The following RGS6 variants were observed in gnomAD, a reference collection of about 807,000 sequenced individuals.
RGS6 encodes regulator of G-protein signaling 6.
Under a neutral mutation model 78.5 loss-of-function variants are expected in RGS6, and 30 were observed. The observed-to-expected ratio is 0.38, with a 90% CI of 0.29 to 0.52. RGS6 has a LOEUF of 0.52. RGS6 is among the 20% of genes least tolerant of loss of function. The pLI is 0.85. For synonymous variants in RGS6, 206 were observed against 206.0 expected, an observed-to-expected ratio of 1.00 and a Z score of 0.00; for missense variants, 495 against 609.7, an observed-to-expected ratio of 0.81 and a Z score of 1.98.
In RGS6 at chr14:72,518,508, G is replaced by A; in HGVS notation, c.1249G>A (p.Gly417Arg). 6.2e-7 allele frequency: 1 copy of A among 1,614,216 alleles called. No homozygotes were observed. The highest frequency in any genetic ancestry group is 8.5e-7 in the Non-Finnish European group (1 of 1,180,034). The part of the protein sequence containing the change: ...YEITSQNVKD[G>R]GRYTFEDAQE... ...GATAACCAGTCAAAATGTCAAAGAT[G>A]GAGGGAGATATACATTTGAAGACGC... The change falls in exon 15 of 18, where the codon GGA (glycine) becomes AGA (arginine). Residue 417 changes from glycine to arginine, a missense_variant. Transcript: ENST00000553525.
intron 2 of RGS6, among the ~76,000 whole-genome samples, chr14:72,048,085 C>T (rs1372580308): frequency 6.6e-6 from 1 of 151,900 alleles, no homozygotes; most frequent in Non-Finnish European, 1.5e-5. Context: ...ATTTCCCAGG[C>T]AAAGTGAACG....
intron 2 of RGS6, among the ~76,000 whole-genome samples, chr14:72,169,023 C>T (rs1332316389): frequency 6.6e-6 from 1 of 152,218 alleles, no homozygotes; most frequent in African/African-American, 2.4e-5. Flanking sequence ...CTGCCACTGC[C>T]ACCACCACCG....
the RGS6 span, among the ~76,000 whole-genome samples, chr14:71,917,584 G>C: frequency 6.6e-6 from 1 of 152,168 alleles, no homozygotes; most frequent in Admixed American, 6.5e-5. Flanking sequence ...TTAGGCTGCA[G>C]CCCTGCGTGT....
chr14:72,366,714 A>G (rs574089093), intron 3 of RGS6, among the ~76,000 whole-genome samples: 2 of 152,292 alleles, frequency 1.3e-5, no homozygotes, highest in South Asian at 2.1e-4. Flanking sequence ...GTAGGTAACA[A>G]AGATGATCAC....
the RGS6 span, among the ~76,000 whole-genome samples, chr14:72,580,097 C>G: frequency 6.6e-6 from 1 of 152,224 alleles, no homozygotes; most frequent in Non-Finnish European, 1.5e-5. Flanking sequence ...CCTTTCAGCA[C>G]CTTGACCATC....
At chr14:72,031,442 T>G (rs1236550017) in intron 2 of RGS6, among the ~76,000 whole-genome samples, 1 of 152,172 alleles carries the variant, frequency 6.6e-6, no homozygotes, top group Non-Finnish European at 1.5e-5. Context: ...TTAATATAAT[T>G]GACATATTTC....
At chr14:72,314,922 T>C (rs770496703) in intron 2 of RGS6, among the ~76,000 whole-genome samples, 10 of 152,256 alleles carry the variant, frequency 6.6e-5, no homozygotes, top group Non-Finnish European at 1.5e-5. Flanking sequence ...GAACTCACTG[T>C]AGCGCATTTA....
intron 2 of RGS6, among the ~76,000 whole-genome samples, chr14:71,974,679 A>C (rs572544508): frequency 2.0e-5 from 3 of 152,242 alleles, no homozygotes; most frequent in Non-Finnish European, 4.4e-5. Flanking sequence ...TTTTTAAAAT[A>C]AAATGTCTTA....
chr14:72,475,458 C>A (rs937199531), intron 10 of RGS6, among the ~76,000 whole-genome samples: 5 of 152,030 alleles, frequency 3.3e-5, no homozygotes, highest in Non-Finnish European at 5.9e-5. Flanking sequence ...GGGCCAGGTA[C>A]GGTGGCTCAC....
At chr14:72,256,256 A>G (rs548866279) in intron 2 of RGS6, among the ~76,000 whole-genome samples, 54 of 152,314 alleles carry the variant, frequency 3.5e-4, no homozygotes, top group African/African-American at 1.3e-3. Flanking sequence ...TGAGGTCTTC[A>G]TGCACTGAGT....
intron 2 of RGS6, among the ~76,000 whole-genome samples, chr14:72,174,379 T>A (rs2097074461): frequency 6.6e-6 from 1 of 152,234 alleles, no homozygotes; most frequent in Admixed American, 6.5e-5. Flanking sequence ...ATTACAGTTA[T>A]GAGCCACTGC....
At position 72,025,056 on chromosome 14, in the gene RGS6, G is replaced by T. The variant is rs188318687; in HGVS notation, c.84+60181G>T. Among the ~76,000 whole-genome samples the T allele has an allele frequency of 2.6e-5, 4 of 152,294 alleles. No individual in the cohort carries two copies. In the East Asian group the frequency reaches 7.7e-4, roughly 29 times the overall value. On this transcript the variant is annotated intron_variant, in intron 2 of 17. Transcript: ENST00000553525. ...AGCTAGGGACAGAGAGGCTGAGTGA[G>T]ACTATACGTGTCCCTATGTTTCTGT...
At chr14:72,244,498 T>C (rs2053719070) in intron 2 of RGS6, among the ~76,000 whole-genome samples, 1 of 152,220 alleles carries the variant, frequency 6.6e-6, no homozygotes, top group African/African-American at 2.4e-5. Flanking sequence ...CGGATCTTAG[T>C]GTCATCTTTT....
chr14:71,925,475 G>C, the RGS6 span, among the ~76,000 whole-genome samples: 1 of 151,922 alleles, frequency 6.6e-6, no homozygotes, highest in Non-Finnish European at 1.5e-5. Context: ...CAAACTTATC[G>C]CTCAGGCCAA....
the RGS6 span, among the ~76,000 whole-genome samples, chr14:71,915,994 AC>A: frequency 6.6e-6 from 1 of 152,158 alleles, no homozygotes; most frequent in Non-Finnish European, 1.5e-5. Context: ...AGAGAAACCA[AC>A]CTGCCCTTGA....
chr14:72,115,113 A>G (rs1443475940), intron 2 of RGS6, among the ~76,000 whole-genome samples: 2 of 152,222 alleles, frequency 1.3e-5, no homozygotes, highest in Non-Finnish European at 2.9e-5. Context: ...TTATGTGGCA[A>G]TCTTGACATG....
intron 2 of RGS6, among the ~76,000 whole-genome samples, chr14:72,328,873 T>C (rs965479857): frequency 6.6e-6 from 1 of 152,242 alleles, no homozygotes; most frequent in Non-Finnish European, 1.5e-5. Flanking sequence ...TATTTTATTT[T>C]ATTTATTTAT....
intron 17 of RGS6, among the ~76,000 whole-genome samples, chr14:72,555,951 T>G (rs1278343062): frequency 6.6e-6 from 1 of 152,204 alleles, no homozygotes; most frequent in Non-Finnish European, 1.5e-5. Flanking sequence ...CTGAGTGATT[T>G]GAAGAACAAG....
the RGS6 span, among the ~76,000 whole-genome samples, chr14:71,912,579 A>C: frequency 1.3e-5 from 2 of 152,234 alleles, no homozygotes; most frequent in East Asian, 3.9e-4. Context: ...GCTCAGGTCT[A>C]CTGAAAAGTA....
Sources: gnomAD v4.1 joint callset for allele counts (sites outside exome capture counted in the v4.1 genomes callset) on GRCh38, gnomAD v4.1.1 for gene constraint, MANE v1.5 for transcripts, NCBI Gene and HGNC (gene_info 2026-07-23, HGNC 2026-07-21) for gene names.